PISD: variants seen among roughly 807,000 people sequenced by gnomAD.
The protein encoded by PISD is phosphatidylserine decarboxylase.
PISD carries 31 observed loss-of-function variants against 43.5 expected under a neutral mutation model. The ratio of observed to expected loss-of-function variants is 0.71; its 90% confidence interval spans 0.54 to 0.96. The LOEUF (loss-of-function observed/expected upper bound fraction) is 0.96. Ranked by LOEUF, PISD falls within the 40% of genes least tolerant of loss-of-function variation. The probability of loss-of-function intolerance (pLI) is 0.00; values close to 1 mark genes in which losing one functional copy is unlikely to be tolerated. For synonymous variants in PISD, 259 were observed against 228.7 expected (o/e 1.13, Z -1.20); for missense variants, 523 against 548.4 (o/e 0.95, Z 0.46).
Position 31,621,392 on chromosome 22 carries a change from G to T in PISD, c.639C>A (p.Tyr213Ter). 6.2e-7 allele frequency: 1 copy of T among 1,614,088 alleles called. No individual in the cohort carries two copies. Among genetic ancestry groups the T allele is most frequent in the East Asian group, 2.2e-5 (1 of 44,882 alleles). The change falls in exon 5 of 8, where the codon TAC becomes TAA. Residue 213 changes from tyrosine (Y) to a stop codon, truncating the protein, a stop_gained. Transcript: ENST00000439502. LOFTEE classifies it high-confidence loss of function. ...CEVEQVKGVT[Y>*]SLESFLGPRM... ...GCGGGCCCAGGAACGACTCCAGGGAGTAGGTGACCCCCTTTACCTGCTCCA... is the reference window on the plus strand; with the variant it reads ...GCGGGCCCAGGAACGACTCCAGGGATTAGGTGACCCCCTTTACCTGCTCCA...
chr22:31,662,288 G>C, upstream of PISD: 2 of 1,408,758 alleles, frequency 1.4e-6, no homozygotes, highest in Non-Finnish European at 2.0e-6. Context: ...CTCGAGTTCA[G>C]TGGGCCAATG....
chr22:31,644,244 T>C (rs1408199503), intron 3 of PISD, among the ~76,000 whole-genome samples: 2 of 145,442 alleles, frequency 1.4e-5, no homozygotes, highest in African/African-American at 5.1e-5. Context: ...AATTTTTTCT[T>C]TTTTTTTTTT....
chr22:31,628,390 G>A (rs1386938985), intron 3 of PISD, among the ~76,000 whole-genome samples: 1 of 152,248 alleles, frequency 6.6e-6, no homozygotes, highest in East Asian at 1.9e-4. Flanking sequence ...GTCTTGAGGT[G>A]ACACGAGGTG....
chr22:31,654,618 T>C (rs1260652124), intron 1 of PISD, among the ~76,000 whole-genome samples: 1 of 152,162 alleles, frequency 6.6e-6, no homozygotes, highest in Non-Finnish European at 1.5e-5. Flanking sequence ...GGACACCTGT[T>C]AGACTAAATT....
intron 1 of PISD, among the ~76,000 whole-genome samples, chr22:31,651,579 T>C (rs896144199): frequency 6.6e-6 from 1 of 151,974 alleles, no homozygotes; most frequent in Non-Finnish European, 1.5e-5. Flanking sequence ...AGAAACCCCA[T>C]CTCTACTAAA....
At chr22:31,620,456 A>G in intron 7 of PISD, 97 bp downstream of exon 7, 1 of 1,219,758 alleles carries the variant, frequency 8.2e-7, no homozygotes, top group East Asian at 2.5e-5. Flanking sequence ...TGGCCTCCCT[A>G]GAATTCAGTC....
At position 31,630,910 on chromosome 22, in the gene PISD, CA is replaced by C; in HGVS notation, c.322-9026del. On this transcript the variant is annotated intron_variant, in intron 3 of 7. Transcript: ENST00000439502. This position sits in a 1 kb window ranked among gnomAD's most constrained non-coding sequence, Gnocchi z 4.4. ...CTCGGGCTCCAGCCACTCAGACTAC[CA>C]GGGGCGGGGGCAGGAGGCCGACCCC... 1.0e-6 allele frequency: 1 copy of C among 969,440 alleles called. No individual in the cohort carries two copies. The highest frequency in any genetic ancestry group is 1.2e-6 in the Non-Finnish European group (1 of 815,340). 60.1% of individuals were successfully genotyped at this position (969,440 alleles called of 1,614,324 possible). A position where few individuals can be genotyped will look rare whatever the true frequency, so the allele number is the denominator to read the frequency against.
At chr22:31,643,909 C>G (rs1224450920) in intron 3 of PISD, among the ~76,000 whole-genome samples, 1 of 151,918 alleles carries the variant, frequency 6.6e-6, no homozygotes, top group East Asian at 1.9e-4. Flanking sequence ...TTAGCCAGGC[C>G]TGGTGGCGGG....
chr22:31,621,857 C>T lies in PISD; in HGVS notation c.350G>A (p.Arg117His), dbSNP rs1310303080. 18 of 1,610,246 alleles carry T rather than the reference C, an allele frequency of 1.1e-5. No individual in the cohort carries two copies. The highest frequency in any genetic ancestry group is 1.7e-5 in the Admixed American group (1 of 60,014). ...GCGACCCCAGGCCCGTGACAGCAAG[C>T]GCGTTGGCACTGACTTGTACAAAGC... ...EVALYKSVPT[R>H]LLSRAWGRLN... Residue 117 changes from arginine to histidine, a missense_variant, in exon 4 of 8, where the codon CGC becomes CAC. Physicochemically the swap from Arg to His is conservative, Grantham distance 29. Coordinates refer to ENST00000439502, the MANE Select transcript of PISD (RefSeq NM_001326411.2).
chr22:31,653,916 C>T (rs956080276), intron 1 of PISD, among the ~76,000 whole-genome samples: 6 of 152,104 alleles, frequency 3.9e-5, no homozygotes, highest in Admixed American at 3.9e-4. Flanking sequence ...GGGATCGTCC[C>T]GATTTTCATA....
At chr22:31,621,293 C>T in intron 5 of PISD, 41 bp downstream of exon 5, 3 of 1,612,652 alleles carry the variant, frequency 1.9e-6, no homozygotes, top group South Asian at 1.1e-5. Context: ...TCCAGCCACA[C>T]AGCAGCAGGG....
intron 3 of PISD, among the ~76,000 whole-genome samples, chr22:31,645,855 TAAA>T (rs200852599): frequency 9.2e-6 from 1 of 108,134 alleles, no homozygotes. Context: ...AGACTCCATC[TAAA>T]AAAAAAAAAA....
intron 1 of PISD, among the ~76,000 whole-genome samples, chr22:31,652,538 G>T (rs1258051705): frequency 6.6e-6 from 1 of 151,842 alleles, no homozygotes; most frequent in East Asian, 1.9e-4. Flanking sequence ...AGCACATGAT[G>T]GCTCACGCCT....
intron 1 of PISD, among the ~76,000 whole-genome samples, chr22:31,661,174 T>C (rs2074306782): frequency 6.6e-6 from 1 of 152,232 alleles, no homozygotes; most frequent in Non-Finnish European, 1.5e-5. Context: ...ATCATTTCTG[T>C]ACAGTTAATG....
At chr22:31,655,076 C>CAAAAAAAAAA (rs1038608958) in intron 1 of PISD, among the ~76,000 whole-genome samples, 1 of 57,114 alleles carries the variant, frequency 1.8e-5, no homozygotes. Context: ...ACTCTATCTC[C>CAAAAAAAAAA]AAAAAAAAAA....
intron 1 of PISD, among the ~76,000 whole-genome samples, chr22:31,656,071 A>C (rs1391466502): frequency 6.6e-6 from 1 of 151,882 alleles, no homozygotes; most frequent in East Asian, 2.0e-4. Context: ...AGGCAGGTGG[A>C]TCACCTGAGG....
intron 1 of PISD, among the ~76,000 whole-genome samples, chr22:31,656,644 T>C (rs935926908): frequency 1.6e-5 from 2 of 127,708 alleles, no homozygotes; most frequent in African/African-American, 6.5e-5. Flanking sequence ...CAAGACTGCG[T>C]CTCAAAAATA....
intron 1 of PISD, among the ~76,000 whole-genome samples, chr22:31,655,722 C>T (rs1189997849): frequency 6.6e-6 from 1 of 151,952 alleles, no homozygotes; most frequent in Admixed American, 6.6e-5. Context: ...GCAACCTCCG[C>T]CTCCTGGGTT....
At chr22:31,626,609 G>A (rs2072923170) in intron 3 of PISD, among the ~76,000 whole-genome samples, 2 of 152,292 alleles carry the variant, frequency 1.3e-5, no homozygotes, top group Admixed American at 1.3e-4. Context: ...AAACCAGCCT[G>A]GGGCTGGGAA....
Sources: gnomAD v4.1 joint callset for allele counts (sites outside exome capture counted in the v4.1 genomes callset) on GRCh38, gnomAD v4.1.1 for gene constraint, Gnocchi (gnomAD v3.1) non-coding constraint, MANE v1.5 for transcripts, NCBI Gene and HGNC (gene_info 2026-07-23, HGNC 2026-07-21) for gene names.